Variants in RDH10 observed in about 807,000 individuals in gnomAD.
RDH10 encodes retinol dehydrogenase 10, also known as retinol dehydrogenase 10 (all-trans).
RDH10 carries 12 observed loss-of-function variants against 30.2 expected under a neutral mutation model. The ratio of observed to expected loss-of-function variants is 0.40; its 90% CI spans 0.25 to 0.64. RDH10 has a LOEUF of 0.64. Among genes scored for constraint, RDH10 ranks in the 30% least tolerant of loss-of-function variants. The pLI, the probability that RDH10 is intolerant of heterozygous loss-of-function variation, is 0.43. For missense variants in RDH10, 268 were observed against 445.2 expected (o/e 0.60, Z 3.58); for synonymous variants, 189 against 172.2 (o/e 1.10, Z -0.76).
At chr8:73,306,629 C>A (rs1194531137) in intron 2 of RDH10, among the ~76,000 whole-genome samples, 5 of 152,214 alleles carry the variant, frequency 3.3e-5, no homozygotes, top group South Asian at 4.1e-4. Context: ...AAGCCACTTA[C>A]AATGAATTCA....
At chr8:73,319,303 G>A (rs1042216716) in intron 3 of RDH10, 109 bp downstream of exon 3, 32 of 734,180 alleles carry the variant, frequency 4.4e-5, no homozygotes, top group Middle Eastern at 5.0e-4. Context: ...AAAGCTGCAC[G>A]AAGGCACTCT....
At chr8:73,318,463 T>C (rs2130379100) in intron 2 of RDH10, among the ~76,000 whole-genome samples, 1 of 152,368 alleles carries the variant, frequency 6.6e-6, no homozygotes, top group Non-Finnish European at 1.5e-5. Flanking sequence ...CTGTTCAGAA[T>C]GATACACGTT....
chr8:73,318,151 GA>G (rs71561515), intron 2 of RDH10, among the ~76,000 whole-genome samples: 10,783 of 152,168 alleles, frequency 0.071, 568 homozygotes, highest in South Asian at 0.12. Context: ...TTTCTTTTAA[GA>G]AGCAGGTTAT....
chr8:73,313,496 C>T (rs1255682909), intron 2 of RDH10: 1 of 151,820 alleles, frequency 6.6e-6, no homozygotes, highest in Admixed American at 6.6e-5. Flanking sequence ...GCAACCCTGT[C>T]AGCTGGTAGC....
At position 73,295,604 on chromosome 8, in the gene RDH10, T is replaced by G. The variant is rs145237074; in HGVS notation, c.289+26T>G. Reference sequence around the variant, plus strand: ...GTAACCTGGACCCGCGCGGGAGCATTGTTGGGTCAAGCCTCTTTCCACCCC... The same window carrying G: ...GTAACCTGGACCCGCGCGGGAGCATGGTTGGGTCAAGCCTCTTTCCACCCC... On this transcript the variant is annotated intron_variant, in intron 1 of 5. Coordinates refer to ENST00000240285, the MANE Select transcript of RDH10 (RefSeq NM_172037.5). 9,357 of 1,468,776 alleles carry G rather than the reference T, an allele frequency of 6.4e-3. 50 individuals are homozygous for G. The highest frequency in any genetic ancestry group is 0.017 in the South Asian group (1,269 of 72,672). 91.0% of individuals were successfully genotyped at this position (1,468,776 alleles called of 1,614,324 possible). A position where few individuals can be genotyped will look rare whatever the true frequency, so the allele number is the denominator to read the frequency against.
chr8:73,306,631 A>G (rs1814466980), intron 2 of RDH10, among the ~76,000 whole-genome samples: 1 of 152,256 alleles, frequency 6.6e-6, no homozygotes, highest in Non-Finnish European at 1.5e-5. Flanking sequence ...GCCACTTACA[A>G]TGAATTCACA....
chr8:73,295,498 C>T lies in RDH10; in HGVS notation c.209C>T (p.Thr70Met). Residue 70 changes from threonine to methionine, a missense_variant, in exon 1 of 6, where the codon ACG becomes ATG. Around this residue, in one of 4 missense-constraint regions of RDH10, gnomAD observed 42 missense variants for 77.6 expected, o/e 0.54. Transcript: ENST00000240285. ...RALLVLWDIN[T>M]QSNEETAGMV... is the part of the protein sequence containing the mutation. ...CTGCTGGTGCTGTGGGACATCAACA[C>T]GCAAAGCAACGAGGAGACGGCTGGC... The T allele has an allele frequency of 6.4e-7, 1 of 1,556,062 alleles. No individual in the cohort carries two copies. Among genetic ancestry groups the T allele is most frequent in the Non-Finnish European group, 8.7e-7 (1 of 1,151,234 alleles).
chr8:73,295,145 G>T lies in RDH10; in HGVS notation c.-145G>T. 1 of 710,790 alleles carries T rather than the reference G, an allele frequency of 1.4e-6. No individual in the cohort carries two copies. The highest frequency in any genetic ancestry group is 2.6e-5 in the South Asian group (1 of 37,836). 44.0% of individuals were successfully genotyped at this position (710,790 alleles called of 1,614,324 possible). A position where few individuals can be genotyped will look rare whatever the true frequency, so the allele number is the denominator to read the frequency against. On this transcript the variant is annotated 5_prime_UTR_variant, in exon 1 of 6. Transcript: ENST00000240285. ...GGAGCGGCGCCGCGCACTCCAACCC[G>T]GCGGGCACCTCGGGGGCGGGCGCGG...
chr8:73,297,463 C>A, intron 2 of RDH10, 34 bp downstream of exon 2: 1 of 1,475,180 alleles, frequency 6.8e-7, no homozygotes, highest in Non-Finnish European at 9.5e-7. Context: ...CTTTGCTGGG[C>A]CCTCCTTAAT....
rs1406866566 is a variant in RDH10 at position 73,319,088 on chromosome 8, T to C, written c.526-8T>C. The C allele has an allele frequency of 3.2e-6, 5 of 1,585,520 alleles. No homozygotes were observed. The South Asian group carries it at 5.6e-5, about 18-fold the overall frequency. On this transcript the variant is annotated splice_region_variant and splice_polypyrimidine_tract_variant and intron_variant, in intron 2 of 5. Coordinates refer to ENST00000240285, the MANE Select transcript of RDH10 (RefSeq NM_172037.5). ...CAGTTCTAAAACTTGAATCTTACTT[T>C]GTTTCAGACCACTAAGGCTTTTCTT...
At chr8:73,297,457 G>T (rs931625530) in intron 2 of RDH10, 28 bp downstream of exon 2, 1 of 1,500,384 alleles carries the variant, frequency 6.7e-7, no homozygotes, top group Non-Finnish European at 9.3e-7. Flanking sequence ...TGTTTTCTTT[G>T]CTGGGCCCTC....
chr8:73,315,920 A>G (rs1028070174), intron 2 of RDH10, among the ~76,000 whole-genome samples: 1 of 152,250 alleles, frequency 6.6e-6, no homozygotes, highest in Non-Finnish European at 1.5e-5. Flanking sequence ...ATCTCTGGTT[A>G]ACGTCAATAA....
At chr8:73,307,626 C>T (rs958105771) in intron 2 of RDH10, among the ~76,000 whole-genome samples, 1 of 152,192 alleles carries the variant, frequency 6.6e-6, no homozygotes, top group African/African-American at 2.4e-5. Flanking sequence ...GAAGGGACTT[C>T]CCTAAGGTCA....
At position 73,310,219 on chromosome 8, in the gene RDH10, A is replaced by G. The variant is rs917004378; in HGVS notation, c.526-8877A>G. Reference sequence around the variant, plus strand: ...TTGTTTTTTAACAATGCCTATCCCAATGTAGGTACCTCATAGACCCTCATA... The same window carrying G: ...TTGTTTTTTAACAATGCCTATCCCAGTGTAGGTACCTCATAGACCCTCATA... On this transcript the variant is annotated intron_variant, in intron 2 of 5. Coordinates refer to ENST00000240285, the MANE Select transcript of RDH10 (RefSeq NM_172037.5). Among the ~76,000 whole-genome samples, 8 of 152,314 alleles carry G rather than the reference A, an allele frequency of 5.3e-5. No homozygotes were observed. In the East Asian group the frequency reaches 5.8e-4, roughly 11 times the overall value.
In RDH10 at chr8:73,303,222, A is replaced by G. The variant is rs75386429; in HGVS notation, c.525+5793A>G. Among the ~76,000 whole-genome samples the G allele has an allele frequency of 6.2e-3, 947 of 152,346 alleles. 9 individuals carry two copies. The highest frequency in any genetic ancestry group is 0.021 in the African/African-American group (860 of 41,566). On this transcript the variant is annotated intron_variant, in intron 2 of 5. Coordinates refer to ENST00000240285, the MANE Select transcript of RDH10 (RefSeq NM_172037.5). ...TAGATCTGAGTAATGTAGCACTTAA[A>G]GACATTAGTGCTGCAGTTGTACCTA...
chr8:73,325,179 A>G lies in RDH10; in HGVS notation c.*2143A>G, dbSNP rs1563554130. 2.0e-5 allele frequency: 3 copies of G among 152,144 alleles called. No homozygotes were observed. Among genetic ancestry groups the G allele is most frequent in the African/African-American group, 4.8e-5 (2 of 41,434 alleles). The allele number at this position is 152,144 out of a possible 1,614,324, so 9.4% of individuals were successfully genotyped here. On this transcript the variant is annotated 3_prime_UTR_variant, in exon 6 of 6. Transcript: ENST00000240285. The stretch of plus-strand genomic sequence containing the variant: ...ACTGAGGAAAGTCGTCTTTACATCT[A>G]ATTTTATTCTTGTGTGTTATAACTT...
chr8:73,309,243 C>T (rs1275824216), intron 2 of RDH10, among the ~76,000 whole-genome samples: 2 of 152,280 alleles, frequency 1.3e-5, no homozygotes, highest in South Asian at 2.1e-4. Context: ...GGAGTTTTCA[C>T]AGCCCTAAGC....
chr8:73,321,163 T>G, intron 4 of RDH10, 86 bp downstream of exon 4: 13 of 1,182,438 alleles, frequency 1.1e-5, no homozygotes, highest in Non-Finnish European at 1.6e-5. Context: ...ACCTTGTATT[T>G]TAACTATCAT....
chr8:73,317,813 G>A (rs1381324642), intron 2 of RDH10, among the ~76,000 whole-genome samples: 3 of 151,748 alleles, frequency 2.0e-5, no homozygotes, highest in Admixed American at 6.6e-5. Context: ...CCAGCTACTC[G>A]GCAGGCTGAG....
Sources: allele counts gnomAD v4.1 joint callset (sites outside exome capture counted in the v4.1 genomes callset), GRCh38; gene constraint gnomAD v4.1.1; regional missense constraint gnomAD v4.1.1; transcripts MANE v1.5; gene names NCBI Gene and HGNC (gene_info 2026-07-23, HGNC 2026-07-21).